ERI3: variants seen among roughly 807,000 people sequenced by gnomAD.
ERI3 encodes the protein ERI1 exoribonuclease family member 3.
Under a neutral mutation model 44.4 loss-of-function variants are expected in ERI3, and 18 were observed. That is an observed-to-expected ratio of 0.41 (90% confidence interval 0.28 to 0.60). ERI3 has a LOEUF of 0.60. Among genes scored for constraint, ERI3 ranks in the 20% least tolerant of loss-of-function variants. The pLI is 0.36. For synonymous variants in ERI3, 183 were observed against 164.8 expected (o/e 1.11, Z -0.84); for missense variants, 294 against 435.5 (o/e 0.68, Z 2.89).
rs1643909459 is a variant in ERI3, at chr1:44,221,978, C to A, written c.932-338G>T. Among the ~76,000 whole-genome samples, 1 of 152,250 alleles carries A rather than the reference C, an allele frequency of 6.6e-6. No individual in the cohort carries two copies. The highest frequency in any genetic ancestry group is 1.5e-5 in the Non-Finnish European group (1 of 68,050). On this transcript the variant is annotated intron_variant, in intron 8 of 8. Transcript: ENST00000372257. The surrounding 1 kb of genome is among the most constrained non-coding windows in gnomAD (Gnocchi z 5.9). ...TAATTTCTCCCTTGACGGCCCCCGG[C>A]CGCTGGGCGATCCTTCTTGTTGCTG...
In ERI3 at chr1:44,339,035, G is replaced by T. The variant is rs1255332640; in HGVS notation, c.489+10C>A. The T allele has an allele frequency of 1.9e-6, 3 of 1,608,094 alleles. No individual in the cohort carries two copies. The highest frequency in any genetic ancestry group is 2.6e-6 in the Non-Finnish European group (3 of 1,175,526). On this transcript the variant is annotated intron_variant, in intron 3 of 8. Coordinates refer to ENST00000372257, the MANE Select transcript of ERI3 (RefSeq NM_024066.3). ...CCCCACCTTTTCTAAAGCAATGATG[G>T]AACAGTTACCTGAGGATGAATCTGT...
chr1:44,288,703 T>A (rs536933048), intron 6 of ERI3, among the ~76,000 whole-genome samples: 3 of 152,300 alleles, frequency 2.0e-5, no homozygotes, highest in East Asian at 3.9e-4. Context: ...CAGGGCTCTT[T>A]ACAGTCCCTG....
chr1:44,306,769 CT>C (rs1365645866), intron 6 of ERI3, among the ~76,000 whole-genome samples: 1 of 152,250 alleles, frequency 6.6e-6, no homozygotes, highest in Non-Finnish European at 1.5e-5. Context: ...GAGAACAACA[CT>C]GGATGAAGGG....
intron 6 of ERI3, among the ~76,000 whole-genome samples, chr1:44,294,717 G>A (rs569987159): frequency 6.6e-6 from 1 of 152,366 alleles, no homozygotes; most frequent in African/African-American, 2.4e-5. Context: ...GTGATGGGAG[G>A]TTTCCAAGAC....
At chr1:44,229,758 G>A (rs1231475814) in intron 8 of ERI3, among the ~76,000 whole-genome samples, 1 of 30,124 alleles carries the variant, frequency 3.3e-5, no homozygotes, top group Non-Finnish European at 6.3e-5. Context: ...GGAGTTCTCA[G>A]GGGGTGCATA....
chr1:44,276,118 G>C (rs1645176728), intron 7 of ERI3, among the ~76,000 whole-genome samples: 1 of 152,198 alleles, frequency 6.6e-6, no homozygotes, highest in African/African-American at 2.4e-5. Flanking sequence ...GGAATGAATA[G>C]AGTGAGAACT....
At chr1:44,276,372 G>C (rs1039856573) in intron 7 of ERI3, among the ~76,000 whole-genome samples, 1 of 152,224 alleles carries the variant, frequency 6.6e-6, no homozygotes, top group Non-Finnish European at 1.5e-5. Context: ...GTATGCATTT[G>C]TATTACATTT....
intron 6 of ERI3, among the ~76,000 whole-genome samples, chr1:44,303,517 A>C (rs184718067): frequency 5.7e-4 from 87 of 152,318 alleles, no homozygotes; most frequent in African/African-American, 1.9e-3. Flanking sequence ...CAGTGCTCAC[A>C]ATCTAGTGCG....
intron 2 of ERI3, among the ~76,000 whole-genome samples, chr1:44,341,897 A>G (rs958758834): frequency 1.8e-4 from 27 of 152,002 alleles, no homozygotes; most frequent in African/African-American, 6.0e-4. Flanking sequence ...TTCAAAAACA[A>G]AACAAAACAA....
rs900559923 is a variant in ERI3, at chr1:44,330,985, T to G, written c.489+8060A>C. The stretch of plus-strand genomic sequence containing the variant: ...AGGGCAGGATGGAGGTAGGGAGAAG[T>G]GAAGCCTATGGACTTAACCTAAACA... On this transcript the variant is annotated intron_variant, in intron 3 of 8. Coordinates refer to ENST00000372257, the MANE Select transcript of ERI3 (RefSeq NM_024066.3). Among the ~76,000 whole-genome samples, 4 of 152,232 alleles carry G rather than the reference T, an allele frequency of 2.6e-5. No individual in the cohort carries two copies. The East Asian group carries it at 7.7e-4, about 29-fold the overall frequency.
chr1:44,281,785 G>C lies in ERI3; in HGVS notation c.831+3050C>G, dbSNP rs552662214. On this transcript the variant is annotated intron_variant, in intron 7 of 8. Transcript: ENST00000372257. ...TAGGAATATGTGCATATACATGAAG[G>C]CATGTATGGATACAGACATGCAATT... Among the ~76,000 whole-genome samples, 7 of 151,490 alleles carry C rather than the reference G, an allele frequency of 4.6e-5. 1 individual carries two copies. In the South Asian group the frequency reaches 1.5e-3, roughly 32 times the overall value.
In ERI3 at chr1:44,252,149, G is replaced by T. The variant is rs989380107; in HGVS notation, c.832-4111C>A. On this transcript the variant is annotated intron_variant, in intron 7 of 8. Coordinates refer to ENST00000372257, the MANE Select transcript of ERI3 (RefSeq NM_024066.3). This position sits in a 1 kb window ranked among gnomAD's most constrained non-coding sequence, Gnocchi z 4.7. Reference sequence around the variant, plus strand: ...AGGAAGATGACTGAGGTGCTCCTGAGTCCTGTCCAGGGCAGGTACTGATGC... The same window carrying T: ...AGGAAGATGACTGAGGTGCTCCTGATTCCTGTCCAGGGCAGGTACTGATGC... Among the ~76,000 whole-genome samples the T allele has an allele frequency of 2.0e-5, 3 of 152,236 alleles. No individual in the cohort carries two copies. Among genetic ancestry groups the T allele is most frequent in the African/African-American group, 7.2e-5 (3 of 41,462 alleles).
chr1:44,248,276 T>C (rs1370422619), intron 7 of ERI3, among the ~76,000 whole-genome samples: 2 of 152,020 alleles, frequency 1.3e-5, no homozygotes, highest in African/African-American at 4.8e-5. Flanking sequence ...CCTCAATGGG[T>C]GCCCCTCACC....
rs569414944 is a variant in ERI3, at chr1:44,350,532, G to A, written c.211+2318C>T. On this transcript the variant is annotated intron_variant, in intron 2 of 8. Coordinates refer to ENST00000372257, the MANE Select transcript of ERI3 (RefSeq NM_024066.3). ...CCACCTCGGCCTCCCAAAGTGCTGG[G>A]ATTATGAGCATGAGCCACCGTGCCC... 1.3e-5 allele frequency among the ~76,000 whole-genome samples: 2 copies of A among 152,238 alleles called. 1 individual carries two copies. Among genetic ancestry groups the A allele is most frequent in the South Asian group, 4.2e-4 (2 of 4,816 alleles).
At chr1:44,323,795 C>T (rs1194654315) in intron 3 of ERI3, among the ~76,000 whole-genome samples, 3 of 152,196 alleles carry the variant, frequency 2.0e-5, no homozygotes, top group Non-Finnish European at 4.4e-5. Context: ...CTTGCTGACA[C>T]TTACACTGCT....
Position 44,355,132 on chromosome 1 carries a change from CGCG to C in ERI3, c.-109_-107del. 1 of 1,229,970 alleles carries C rather than the reference CGCG, an allele frequency of 8.1e-7. No individual in the cohort carries two copies. 76.2% of individuals were successfully genotyped at this position (1,229,970 alleles called of 1,614,324 possible). Reference sequence around the variant, plus strand: ...GCTCAGGGCAGTTGGCGGCGGCGGGCGCGGCCCGCGCCGACTGCGGCGCCGGCC... The same window carrying C: ...GCTCAGGGCAGTTGGCGGCGGCGGGCGCCCGCGCCGACTGCGGCGCCGGCC... On this transcript the variant is annotated 5_prime_UTR_variant, in exon 1 of 9. Transcript: ENST00000372257.
chr1:44,250,091 C>A (rs1444655296), intron 7 of ERI3, among the ~76,000 whole-genome samples: 1 of 152,222 alleles, frequency 6.6e-6, no homozygotes, highest in Non-Finnish European at 1.5e-5. Context: ...ATAACATCGT[C>A]TACTTTGCTG....
At position 44,221,672 on chromosome 1, in the gene ERI3, C is replaced by T; in HGVS notation, c.932-32G>A. On this transcript the variant is annotated intron_variant, in intron 8 of 8. Coordinates refer to ENST00000372257, the MANE Select transcript of ERI3 (RefSeq NM_024066.3). This position sits in a 1 kb window ranked among gnomAD's most constrained non-coding sequence, Gnocchi z 5.9. Reference sequence around the variant, plus strand: ...AGGAGAGAAGACATTTAGATCAGCCCCAGATCCTTCCCCTCCATGCCCACA... The same window carrying T: ...AGGAGAGAAGACATTTAGATCAGCCTCAGATCCTTCCCCTCCATGCCCACA... The T allele has an allele frequency of 2.5e-6, 4 of 1,574,404 alleles. No homozygotes were observed. Among genetic ancestry groups the T allele is most frequent in the Non-Finnish European group, 3.5e-6 (4 of 1,143,886 alleles).
intron 4 of ERI3, among the ~76,000 whole-genome samples, chr1:44,313,700 GC>G (rs1201209699): frequency 6.6e-6 from 1 of 152,092 alleles, no homozygotes; most frequent in Non-Finnish European, 1.5e-5. Context: ...CCTTCTCTGA[GC>G]CTTGATATCC....
Sources: allele counts gnomAD v4.1 joint callset (sites outside exome capture counted in the v4.1 genomes callset), GRCh38; gene constraint gnomAD v4.1.1; non-coding constraint Gnocchi (gnomAD v3.1); transcripts MANE v1.5; gene names NCBI Gene and HGNC (gene_info 2026-07-23, HGNC 2026-07-21).